Variants in MAP4K3 observed in about 807,000 individuals in gnomAD.
MAP4K3 encodes mitogen-activated protein kinase kinase kinase kinase 3.
In MAP4K3, 94 loss-of-function variants were observed where a neutral mutation model predicts 143.5. The ratio of observed to expected loss-of-function variants is 0.65; its 90% CI spans 0.55 to 0.78. MAP4K3 has a LOEUF of 0.78. Ranked by LOEUF, MAP4K3 falls within the 30% of genes least tolerant of loss-of-function variation. MAP4K3 has a pLI of 0.00. For missense variants in MAP4K3, 1,077 were observed against 1,068.1 expected (o/e 1.01, Z -0.12); for synonymous variants, 416 against 347.2 (o/e 1.20, Z -2.20).
chr2:39,379,371 C>T (rs1666303483), intron 1 of MAP4K3, among the ~76,000 whole-genome samples: 1 of 151,954 alleles, frequency 6.6e-6, no homozygotes, highest in African/African-American at 2.4e-5. Context: ...CAAACAAAAT[C>T]CCCATAACTA....
intron 2 of MAP4K3, among the ~76,000 whole-genome samples, chr2:39,368,091 GA>G (rs1665974076): frequency 6.6e-6 from 1 of 152,220 alleles, no homozygotes; most frequent in African/African-American, 2.4e-5. Flanking sequence ...GGTTCTGATG[GA>G]AGGCCCAAAA....
chr2:39,408,436 G>A (rs896803213), intron 1 of MAP4K3, among the ~76,000 whole-genome samples: 1 of 152,150 alleles, frequency 6.6e-6, no homozygotes, highest in Non-Finnish European at 1.5e-5. Flanking sequence ...CAATGGAAGA[G>A]AACACCAACA....
Position 39,290,308 on chromosome 2 carries a change from G to A in MAP4K3, c.1298C>T (p.Pro433Leu), listed in dbSNP as rs1681986772. Reference sequence around the variant, plus strand: ...TCTGTCTACCTTTGGTGGCAAAGGAGGTGGAATTTTTGCTTTCAGAGTTGA... The same window carrying A: ...TCTGTCTACCTTTGGTGGCAAAGGAAGTGGAATTTTTGCTTTCAGAGTTGA... Reference protein sequence around the residue: ...KHSTLKAKIPPPLPPKPKSIF... With the variant: ...KHSTLKAKIPLPLPPKPKSIF... Residue 433 changes from proline to leucine, a missense_variant, in exon 19 of 34, where the codon CCT becomes CTT. Pro to Leu is a moderately conservative substitution (Grantham distance 98). This residue lies in a region of MAP4K3 where 864 missense variants were observed against 801.2 expected (regional missense o/e 1.08). Transcript: ENST00000263881. 8.7e-6 allele frequency: 14 copies of A among 1,607,782 alleles called. No individual in the cohort carries two copies. Among genetic ancestry groups the A allele is most frequent in the Non-Finnish European group, 1.1e-5 (13 of 1,177,418 alleles).
At chr2:39,274,606 G>A (rs987770363) in intron 24 of MAP4K3, among the ~76,000 whole-genome samples, 2 of 152,104 alleles carry the variant, frequency 1.3e-5, no homozygotes, top group Admixed American at 6.6e-5. Flanking sequence ...TAGGTTCTAG[G>A]TGAAATGATC....
chr2:39,421,125 T>C (rs145616930), intron 1 of MAP4K3, among the ~76,000 whole-genome samples: 1 of 152,344 alleles, frequency 6.6e-6, no homozygotes, highest in Admixed American at 6.5e-5. Flanking sequence ...GACTAAGAAG[T>C]GGTCCCTGCC....
At chr2:39,272,045 CT>C in intron 26 of MAP4K3, 1 of 341,118 alleles carries the variant, frequency 2.9e-6, no homozygotes, top group Non-Finnish European at 5.2e-6. Context: ...TAGTTTTAAA[CT>C]TGCAGAAAAA....
intron 2 of MAP4K3, among the ~76,000 whole-genome samples, chr2:39,364,729 G>A (rs985622511): frequency 8.5e-5 from 13 of 152,182 alleles, no homozygotes; most frequent in Admixed American, 5.2e-4. Context: ...TTAGCCAGGC[G>A]TGATGGCATA....
intron 16 of MAP4K3, among the ~76,000 whole-genome samples, chr2:39,296,982 T>A (rs1159488292): frequency 6.6e-6 from 1 of 152,202 alleles, no homozygotes; most frequent in Non-Finnish European, 1.5e-5. Context: ...CATCTGGCAT[T>A]TACTACTACT....
chr2:39,388,006 T>C (rs1666555954), intron 1 of MAP4K3, among the ~76,000 whole-genome samples: 1 of 152,208 alleles, frequency 6.6e-6, no homozygotes, highest in South Asian at 2.1e-4. Flanking sequence ...GTACAGACAG[T>C]TCCAACATAT....
chr2:39,329,457 G>A (rs1318117958), intron 8 of MAP4K3, among the ~76,000 whole-genome samples: 2 of 152,152 alleles, frequency 1.3e-5, no homozygotes, highest in Non-Finnish European at 2.9e-5. Context: ...AACCTAAGCA[G>A]GTGCCAAGGA....
At chr2:39,264,388 G>C (rs1176112727) in intron 28 of MAP4K3, among the ~76,000 whole-genome samples, 6 of 152,148 alleles carry the variant, frequency 3.9e-5, no homozygotes, top group Non-Finnish European at 5.9e-5. Flanking sequence ...TTTAGCCCTA[G>C]TGAATCTCGA....
At position 39,436,852 on chromosome 2, in the gene MAP4K3, G is replaced by C. The variant is rs758100845; in HGVS notation, c.96+40C>G. Reference sequence around the variant, plus strand: ...GACGCCCAGGCTTGGCTGCGGGTCGGGATCCCACGGCCTCGGCGGCGCGCG... The same window carrying C: ...GACGCCCAGGCTTGGCTGCGGGTCGCGATCCCACGGCCTCGGCGGCGCGCG... On this transcript the variant is annotated intron_variant, in intron 1 of 33. Coordinates refer to ENST00000263881, the MANE Select transcript of MAP4K3 (RefSeq NM_003618.4). 7 of 1,559,724 alleles carry C rather than the reference G, an allele frequency of 4.5e-6. No individual in the cohort carries two copies. In the East Asian group the frequency reaches 1.2e-4, roughly 26 times the overall value.
chr2:39,261,829 T>A (rs2148441581), intron 28 of MAP4K3, among the ~76,000 whole-genome samples: 1 of 152,280 alleles, frequency 6.6e-6, no homozygotes, highest in East Asian at 1.9e-4. Context: ...TAATTCCACT[T>A]AAATACTGTT....
At chr2:39,429,599 G>A (rs1313000459) in intron 1 of MAP4K3, among the ~76,000 whole-genome samples, 1 of 152,208 alleles carries the variant, frequency 6.6e-6, no homozygotes, top group African/African-American at 2.4e-5. Flanking sequence ...GAAGGTGGGT[G>A]TTGGGTACAT....
At chr2:39,386,102 G>A (rs550192028) in intron 1 of MAP4K3, among the ~76,000 whole-genome samples, 116 of 152,302 alleles carry the variant, frequency 7.6e-4, no homozygotes, top group African/African-American at 2.6e-3. Context: ...AGGTAATTAA[G>A]GTTAAATAAG....
At chr2:39,364,616 C>A (rs1665867683) in intron 2 of MAP4K3, among the ~76,000 whole-genome samples, 1 of 152,166 alleles carries the variant, frequency 6.6e-6, no homozygotes, top group South Asian at 2.1e-4. Flanking sequence ...GCCTGTAATG[C>A]CAGCACTTTG....
At chr2:39,371,517 A>G (rs1265411792) in intron 2 of MAP4K3, among the ~76,000 whole-genome samples, 1 of 152,162 alleles carries the variant, frequency 6.6e-6, no homozygotes, top group African/African-American at 2.4e-5. Context: ...GATATACACA[A>G]TGCTCCAAAA....
chr2:39,325,643 T>A lies in MAP4K3; in HGVS notation c.808-15A>T, dbSNP rs2148515543. On this transcript the variant is annotated splice_polypyrimidine_tract_variant and intron_variant, in intron 11 of 33. Transcript: ENST00000263881. ...ACAAAAGGATGCTATAAAAATTAAATACAATGCAGAACACTTACTATAAAT... is the reference window on the plus strand; with the variant it reads ...ACAAAAGGATGCTATAAAAATTAAAAACAATGCAGAACACTTACTATAAAT... 6.3e-7 allele frequency: 1 copy of A among 1,596,408 alleles called. No homozygotes were observed. The highest frequency in any genetic ancestry group is 8.6e-7 in the Non-Finnish European group (1 of 1,164,632).
At chr2:39,431,162 A>G (rs548990191) in intron 1 of MAP4K3, among the ~76,000 whole-genome samples, 17 of 152,216 alleles carry the variant, frequency 1.1e-4, no homozygotes, top group Non-Finnish European at 7.3e-5. Context: ...AAAGAGTCCA[A>G]CTGAATTTTT....
Sources: allele counts gnomAD v4.1 joint callset (sites outside exome capture counted in the v4.1 genomes callset), GRCh38; gene constraint gnomAD v4.1.1; regional missense constraint gnomAD v4.1.1; transcripts MANE v1.5; gene names NCBI Gene and HGNC (gene_info 2026-07-23, HGNC 2026-07-21).